ELL: variants seen among roughly 807,000 people sequenced by gnomAD.
The protein encoded by ELL is RNA polymerase II elongation factor ELL.
Under a neutral mutation model 64.0 loss-of-function variants are expected in ELL, and 18 were observed. The ratio of observed to expected loss-of-function variants is 0.28; its 90% confidence interval spans 0.19 to 0.42. ELL has a LOEUF of 0.42. ELL is among the 10% of genes least tolerant of loss of function. The pLI is 1.00. For missense variants in ELL, 797 were observed against 870.4 expected (o/e 0.92, Z 1.06); for synonymous variants, 399 against 376.2 (o/e 1.06, Z -0.70).
chr19:18,454,568 T>C (rs949005620), intron 6 of ELL, among the ~76,000 whole-genome samples: 1 of 150,822 alleles, frequency 6.6e-6, no homozygotes, highest in South Asian at 2.1e-4. Context: ...GGGCTGGGCA[T>C]AATGGCTCAT....
chr19:18,498,051 C>T (rs554635388), intron 1 of ELL, among the ~76,000 whole-genome samples: 5 of 152,062 alleles, frequency 3.3e-5, no homozygotes, highest in African/African-American at 1.2e-4. Flanking sequence ...TCACTTGAAC[C>T]CAGGAGGTGG....
intron 1 of ELL, among the ~76,000 whole-genome samples, chr19:18,500,263 A>G (rs76201480): frequency 1.4e-5 from 2 of 146,964 alleles, no homozygotes; most frequent in African/African-American, 2.5e-5. Context: ...CTCCGTCTCA[A>G]AAAAAAAAAA....
chr19:18,476,829 G>A (rs752409729), intron 1 of ELL, among the ~76,000 whole-genome samples: 4 of 152,148 alleles, frequency 2.6e-5, no homozygotes, highest in Non-Finnish European at 5.9e-5. Context: ...CTAACATCAC[G>A]CACGCATGAG....
At chr19:18,510,898 G>C (rs1010091350) in intron 1 of ELL, among the ~76,000 whole-genome samples, 5 of 152,172 alleles carry the variant, frequency 3.3e-5, no homozygotes, top group African/African-American at 1.2e-4. Context: ...GAGGTGGACA[G>C]ATAACCTGAG....
rs758340168 is a variant in ELL, at chr19:18,461,594, T to G, written c.728A>C (p.Asp243Ala). The change falls in exon 5 of 12, where the codon GAT (aspartate) becomes GCT (alanine). Residue 243 changes from aspartate to alanine, a missense_variant. By Grantham distance (126) the Asp-to-Ala change is moderately radical (BLOSUM62 -2). Transcript: ENST00000262809. ...GLTQADKDAL[D>A]GLLQQVANMS... ...GGCACCCACCTGCTGGAGGAGGCCA[T>G]CCAGCGCGTCCTTGTCCGCCTGCGT... 2 of 1,602,024 alleles carry G rather than the reference T, an allele frequency of 1.2e-6. No homozygotes were observed. Among genetic ancestry groups the G allele is most frequent in the Non-Finnish European group, 1.7e-6 (2 of 1,177,896 alleles).
chr19:18,468,042 C>A (rs1600454719), intron 2 of ELL, among the ~76,000 whole-genome samples: 1 of 148,780 alleles, frequency 6.7e-6, no homozygotes, highest in South Asian at 2.2e-4. Flanking sequence ...TGCACAACCC[C>A]CACACACACA....
At chr19:18,480,055 C>T (rs991993471) in intron 1 of ELL, among the ~76,000 whole-genome samples, 2 of 152,200 alleles carry the variant, frequency 1.3e-5, no homozygotes, top group African/African-American at 4.8e-5. Context: ...GCATCTGTTC[C>T]TTCTTCAGAA....
chr19:18,499,339 T>C (rs1975731790), intron 1 of ELL, among the ~76,000 whole-genome samples: 1 of 152,188 alleles, frequency 6.6e-6, no homozygotes, highest in African/African-American at 2.4e-5. Context: ...TTAACCTCTC[T>C]GGGCTTTGTC....
chr19:18,443,958 C>T lies in ELL; in HGVS notation c.*794G>A, dbSNP rs1028171512. On this transcript the variant is annotated 3_prime_UTR_variant, in exon 12 of 12. Transcript: ENST00000262809. ...GAGGACATCGCAAAGAAAAGTCTGA[C>T]GCCGCTGCGGCCGAGTCTCAACTTG... 1.7e-5 allele frequency: 4 copies of T among 232,520 alleles called. No individual in the cohort carries two copies. The highest frequency in any genetic ancestry group is 3.4e-5 in the Non-Finnish European group (4 of 117,660). 14.4% of individuals were successfully genotyped at this position (232,520 alleles called of 1,614,324 possible).
intron 1 of ELL, among the ~76,000 whole-genome samples, chr19:18,487,331 T>A (rs1381294061): frequency 1.3e-5 from 2 of 152,202 alleles, no homozygotes; most frequent in Non-Finnish European, 2.9e-5. Flanking sequence ...GAGGTGGGCA[T>A]CAAGGAGGTG....
Position 18,475,207 on chromosome 19 carries a change from C to T in ELL, c.136-2325G>A, listed in dbSNP as rs544148505. 5.9e-5 allele frequency among the ~76,000 whole-genome samples: 9 copies of T among 152,140 alleles called. No individual in the cohort carries two copies. In the South Asian group the frequency reaches 1.5e-3, roughly 25 times the overall value. On this transcript the variant is annotated intron_variant, in intron 1 of 11. Coordinates refer to ENST00000262809, the MANE Select transcript of ELL (RefSeq NM_006532.4). ...GACCAATTAAGGTGTGAAAAGACACCGGATGCCATTACTCATCAAGGAAAT... is the reference window on the plus strand; with the variant it reads ...GACCAATTAAGGTGTGAAAAGACACTGGATGCCATTACTCATCAAGGAAAT...
chr19:18,511,758 C>T (rs1278490531), intron 1 of ELL, among the ~76,000 whole-genome samples: 1 of 152,028 alleles, frequency 6.6e-6, no homozygotes, highest in Non-Finnish European at 1.5e-5. Context: ...GTGGCTCAAG[C>T]TTGTAATCCC....
At chr19:18,477,191 G>C (rs1307613439) in intron 1 of ELL, among the ~76,000 whole-genome samples, 2 of 152,172 alleles carry the variant, frequency 1.3e-5, no homozygotes, top group African/African-American at 4.8e-5. Context: ...GGGGCTTCTG[G>C]AGCTGAGACA....
chr19:18,514,556 C>T (rs1976092065), intron 1 of ELL, among the ~76,000 whole-genome samples: 1 of 149,140 alleles, frequency 6.7e-6, no homozygotes, highest in South Asian at 2.1e-4. Flanking sequence ...AAAATAACCA[C>T]ATGTCATGGC....
At chr19:18,451,757 CT>C (rs1180968314) in intron 6 of ELL, 109 bp from the exon 7 acceptor site, 3 of 861,910 alleles carry the variant, frequency 3.5e-6, no homozygotes, top group African/African-American at 3.6e-5. Flanking sequence ...AGGGACCCCC[CT>C]CCTCCCAAAT....
intron 3 of ELL, 35 bp downstream of exon 3, chr19:18,465,762 C>A: frequency 1.4e-6 from 2 of 1,422,604 alleles, no homozygotes; most frequent in South Asian, 3.3e-5. Flanking sequence ...ACCTCAAGAG[C>A]CGGCGGGGTG....
intron 6 of ELL, among the ~76,000 whole-genome samples, chr19:18,452,245 T>C (rs1974555763): frequency 6.6e-6 from 1 of 152,058 alleles, no homozygotes; most frequent in Non-Finnish European, 1.5e-5. Context: ...AACTGTTCAA[T>C]TCCCGGGGGC....
intron 1 of ELL, among the ~76,000 whole-genome samples, chr19:18,473,500 C>A (rs1456638627): frequency 1.3e-5 from 2 of 152,236 alleles, no homozygotes; most frequent in Non-Finnish European, 2.9e-5. Flanking sequence ...GAGGCCTGCA[C>A]AGCTCCACCA....
intron 1 of ELL, among the ~76,000 whole-genome samples, chr19:18,500,458 T>C (rs1975758593): frequency 6.6e-6 from 1 of 152,212 alleles, no homozygotes. Flanking sequence ...ACTGGCTGCT[T>C]GTGACATTTG....
Sources: gnomAD v4.1 joint callset for allele counts (sites outside exome capture counted in the v4.1 genomes callset) on GRCh38, gnomAD v4.1.1 for gene constraint, MANE v1.5 for transcripts, NCBI Gene and HGNC (gene_info 2026-07-23, HGNC 2026-07-21) for gene names.